KCNH1: variants seen among roughly 807,000 people sequenced by gnomAD.
KCNH1 encodes the protein voltage-gated delayed rectifier potassium channel KCNH1.
In KCNH1, 27 loss-of-function variants were observed where a neutral mutation model predicts 69.2. That is an observed-to-expected ratio of 0.39 (90% CI 0.29 to 0.54). KCNH1 has a LOEUF of 0.54. KCNH1 is among the 20% of genes least tolerant of loss of function. KCNH1 has a pLI of 0.68. For missense variants in KCNH1, 798 were observed against 1,261.6 expected (o/e 0.63, Z 5.57); for synonymous variants, 456 against 487.7 (o/e 0.93, Z 0.86).
intron 5 of KCNH1, among the ~76,000 whole-genome samples, chr1:211,029,112 T>C (rs1689735352): frequency 6.7e-6 from 1 of 148,570 alleles, no homozygotes; most frequent in East Asian, 2.0e-4. Flanking sequence ...AAGATGATGT[T>C]TGAGGCCAGA....
intron 4 of KCNH1, 109 bp downstream of exon 4, chr1:211,090,453 C>T: frequency 1.1e-6 from 1 of 930,124 alleles, no homozygotes; most frequent in Non-Finnish European, 1.6e-6. Flanking sequence ...AAGTTAGAAT[C>T]TTGAGGTTTG....
At chr1:211,107,503 G>C (rs555784393) in intron 1 of KCNH1, 126 bp from the exon 2 acceptor site, 1 of 932,934 alleles carries the variant, frequency 1.1e-6, no homozygotes, top group South Asian at 1.8e-5. Flanking sequence ...ATAGACTCTT[G>C]AACAGAAATG....
intron 10 of KCNH1, among the ~76,000 whole-genome samples, chr1:210,743,203 G>A (rs374675524): frequency 5.2e-4 from 79 of 152,110 alleles, no homozygotes; most frequent in African/African-American, 1.9e-3. Context: ...CCTAGTAGGT[G>A]TCAGGAGAGG....
intron 6 of KCNH1, among the ~76,000 whole-genome samples, chr1:210,998,552 C>T (rs142298850): frequency 0.015 from 2,328 of 152,184 alleles, 42 homozygotes; most frequent in African/African-American, 0.052. Context: ...GACTCCCACA[C>T]GATAATAGTG....
chr1:211,012,469 A>G (rs1454126698), intron 6 of KCNH1, among the ~76,000 whole-genome samples: 1 of 152,204 alleles, frequency 6.6e-6, no homozygotes, highest in Admixed American at 6.5e-5. Flanking sequence ...TGCAATTTTA[A>G]AAAAGTTATC....
At chr1:210,975,797 A>C (rs1033086572) in intron 6 of KCNH1, among the ~76,000 whole-genome samples, 1 of 152,358 alleles carries the variant, frequency 6.6e-6, no homozygotes, top group East Asian at 1.9e-4. Context: ...AGAAACTACC[A>C]TCAGAGTGAA....
chr1:211,030,431 T>C (rs1191279982), intron 5 of KCNH1, among the ~76,000 whole-genome samples: 1 of 152,090 alleles, frequency 6.6e-6, no homozygotes, highest in African/African-American at 2.4e-5. Flanking sequence ...TAGAACAGAA[T>C]AGAGATTCCA....
chr1:210,941,350 C>T (rs1312133591), intron 6 of KCNH1, among the ~76,000 whole-genome samples: 1 of 152,178 alleles, frequency 6.6e-6, no homozygotes, highest in Non-Finnish European at 1.5e-5. Flanking sequence ...CATGTAGCCT[C>T]CTGACAAGCA....
chr1:210,979,250 A>C (rs1034335125), intron 6 of KCNH1, among the ~76,000 whole-genome samples: 1 of 152,202 alleles, frequency 6.6e-6, no homozygotes, highest in South Asian at 2.1e-4. Flanking sequence ...ATCTCAAGAA[A>C]AAACATCGGA....
At chr1:210,745,395 T>G (rs977774977) in intron 10 of KCNH1, among the ~76,000 whole-genome samples, 1 of 152,136 alleles carries the variant, frequency 6.6e-6, no homozygotes, top group African/African-American at 2.4e-5. Flanking sequence ...GCTCCATTTT[T>G]TAACCTAGAA....
At chr1:210,904,415 G>A (rs1486965802) in intron 7 of KCNH1, among the ~76,000 whole-genome samples, 1 of 151,960 alleles carries the variant, frequency 6.6e-6, no homozygotes, top group Non-Finnish European at 1.5e-5. Context: ...AGCAGTTGGA[G>A]AGGAGAGTTA....
intron 2 of KCNH1, 111 bp from the exon 3 acceptor site, chr1:211,103,713 C>A: frequency 1.6e-6 from 1 of 632,726 alleles, no homozygotes; most frequent in Non-Finnish European, 2.7e-6. Flanking sequence ...GTGGAACACA[C>A]ACACACACAA....
At chr1:210,769,859 G>A (rs2102362882) in intron 10 of KCNH1, among the ~76,000 whole-genome samples, 1 of 152,292 alleles carries the variant, frequency 6.6e-6, no homozygotes, top group Non-Finnish European at 1.5e-5. Context: ...AACAAAGTGT[G>A]AATTCAGAAC....
chr1:211,115,657 T>A (rs1039888552), intron 1 of KCNH1, among the ~76,000 whole-genome samples: 1 of 148,772 alleles, frequency 6.7e-6, no homozygotes, highest in African/African-American at 2.5e-5. Context: ...GACAGGCTAT[T>A]GTGGGTCCTT....
intron 7 of KCNH1, among the ~76,000 whole-genome samples, chr1:210,879,385 A>G (rs542969057): frequency 2.0e-5 from 3 of 152,162 alleles, no homozygotes; most frequent in Non-Finnish European, 4.4e-5. Flanking sequence ...AAATCCAACA[A>G]TGAATAAAAA....
In KCNH1 at chr1:210,777,703, C is replaced by T. The variant is rs148014738; in HGVS notation, c.1916-2159G>A. 4.7e-4 allele frequency among the ~76,000 whole-genome samples: 72 copies of T among 152,330 alleles called. 1 individual carries two copies. Among genetic ancestry groups the T allele is most frequent in the East Asian group, 4.2e-3 (22 of 5,180 alleles). On this transcript the variant is annotated intron_variant, in intron 9 of 10. Coordinates refer to ENST00000271751, the MANE Select transcript of KCNH1 (RefSeq NM_172362.3). ...CATGCACCCTTCATATTTGTGTCAT[C>T]TTGTTCCTCTAGAGAATATCCTTCC...
At chr1:210,995,645 A>G (rs927180334) in intron 6 of KCNH1, among the ~76,000 whole-genome samples, 11 of 152,232 alleles carry the variant, frequency 7.2e-5, no homozygotes, top group African/African-American at 2.7e-4. Context: ...CCTCAAGCAT[A>G]GGAATATTTT....
Position 210,922,383 on chromosome 1 carries a change from C to CAAAAA in KCNH1, c.1033-2319_1033-2315dup, listed in dbSNP as rs758026291. ...TGGGCAACAGAGCGAGACTCCGTCT[C>CAAAAA]AAAAAAAAAAAAAAAAAAAAAAAAA... On this transcript the variant is annotated intron_variant, in intron 6 of 10. Coordinates refer to ENST00000271751, the MANE Select transcript of KCNH1 (RefSeq NM_172362.3). 5.4e-4 allele frequency among the ~76,000 whole-genome samples: 53 copies of CAAAAA among 98,314 alleles called. 5 individuals carry two copies. The East Asian group carries it at 5.9e-3, about 11-fold the overall frequency. 64.5% of individuals were successfully genotyped at this position (98,314 alleles called of 152,430 possible). A position where few individuals can be genotyped will look rare whatever the true frequency, so the allele number is the denominator to read the frequency against.
intron 10 of KCNH1, among the ~76,000 whole-genome samples, chr1:210,732,141 C>CACTG (rs1682762969): frequency 6.6e-6 from 1 of 151,796 alleles, no homozygotes; most frequent in African/African-American, 2.4e-5. Context: ...CAGGTCACAG[C>CACTG]ACTGACAGAA....
Sources: allele counts gnomAD v4.1 joint callset (sites outside exome capture counted in the v4.1 genomes callset), GRCh38; gene constraint gnomAD v4.1.1; transcripts MANE v1.5; gene names NCBI Gene and HGNC (gene_info 2026-07-23, HGNC 2026-07-21).